Variants in UGT2B11 observed in about 807,000 individuals in gnomAD.
UGT2B11 encodes UDP-glucuronosyltransferase 2B11.
Under a neutral mutation model 51.7 loss-of-function variants are expected in UGT2B11, and 49 were observed. The observed-to-expected ratio is 0.95, with a 90% CI of 0.75 to 1.20. The LOEUF (loss-of-function observed/expected upper bound fraction) is 1.20, where lower values mean the gene tolerates loss of function less well. UGT2B11 is among the 50% of genes most tolerant of loss of function. UGT2B11 has a pLI of 0.00. For synonymous variants in UGT2B11, 273 were observed against 209.0 expected (o/e 1.31, Z -2.64); for missense variants, 810 against 622.1 (o/e 1.30, Z -3.21).
rs542785567 is a variant in UGT2B11, at chr4:69,206,046, C to G, written c.1003-479G>C. Reference sequence around the variant, plus strand: ...TGGTTGGAATGTAAGTTAGTTCAACCATTGTGGAAGACAGTGTGGCCATTC... The same window carrying G: ...TGGTTGGAATGTAAGTTAGTTCAACGATTGTGGAAGACAGTGTGGCCATTC... On this transcript the variant is annotated intron_variant, in intron 3 of 5. Coordinates refer to ENST00000446444, the MANE Select transcript of UGT2B11 (RefSeq NM_001073.3). 4.6e-5 allele frequency among the ~76,000 whole-genome samples: 7 copies of G among 151,624 alleles called. No homozygotes were observed. The East Asian group carries it at 1.4e-3, about 30-fold the overall frequency.
chr4:69,218,094 A>T (rs533034116), upstream of UGT2B11, among the ~76,000 whole-genome samples: 47 of 152,312 alleles, frequency 3.1e-4, no homozygotes, highest in Non-Finnish European at 5.7e-4. Context: ...ATTGAATTGA[A>T]TTATATCCTA....
Position 69,206,065 on chromosome 4 carries a change from G to A in UGT2B11, c.1003-498C>T, listed in dbSNP as rs562882737. 7.9e-5 allele frequency among the ~76,000 whole-genome samples: 12 copies of A among 151,626 alleles called. No homozygotes were observed. In the South Asian group the frequency reaches 2.3e-3, roughly 29 times the overall value. ...TTCAACCATTGTGGAAGACAGTGTG[G>A]CCATTCCTCAGAAACCTAGAGGCAA... On this transcript the variant is annotated intron_variant, in intron 3 of 5. Transcript: ENST00000446444.
upstream of UGT2B11, among the ~76,000 whole-genome samples, chr4:69,219,458 C>A (rs1202782687): frequency 9.3e-5 from 14 of 150,676 alleles, no homozygotes; most frequent in Non-Finnish European, 7.4e-5. Context: ...GTTATGTTCT[C>A]TTCTATTGAT....
chr4:69,223,815 A>C, the UGT2B11 span, among the ~76,000 whole-genome samples: 1 of 152,096 alleles, frequency 6.6e-6, no homozygotes, highest in East Asian at 1.9e-4. Context: ...GTCCCAACTG[A>C]CTATATTTTC....
rs1721933060 is a variant in UGT2B11 at position 69,208,332 on chromosome 4, G to C, written c.1002+19C>G. 1.9e-6 allele frequency: 3 copies of C among 1,609,670 alleles called. No individual in the cohort carries two copies. Among genetic ancestry groups the C allele is most frequent in the Admixed American group, 3.4e-5 (2 of 59,518 alleles). The stretch of plus-strand genomic sequence containing the variant: ...CCTCTTTCAGCAGTTTTCCACACCA[G>C]TAAGGCCCTTTATCTTACCTTTTGT... On this transcript the variant is annotated intron_variant, in intron 3 of 5. Transcript: ENST00000446444.
intron 5 of UGT2B11, among the ~76,000 whole-genome samples, chr4:69,202,451 A>G (rs1721694965): frequency 1.3e-5 from 2 of 151,732 alleles, no homozygotes. Context: ...TGGATCATAT[A>G]GTCTTCATGA....
In UGT2B11 at chr4:69,200,311, AATT is replaced by A. The variant is rs774135771; in HGVS notation, c.*126_*128del. On this transcript the variant is annotated 3_prime_UTR_variant, in exon 6 of 6. Coordinates refer to ENST00000446444, the MANE Select transcript of UGT2B11 (RefSeq NM_001073.3). The stretch of plus-strand genomic sequence containing the variant: ...TTTTACTTGACAAGGTAGATTTGAA[AATT>A]TTTTTTTTTTTTTTTTTTTTGTCAC... 3.9e-3 allele frequency: 3,851 copies of A among 994,862 alleles called. 1 individual carries two copies. Among genetic ancestry groups the A allele is most frequent in the Non-Finnish European group, 3.8e-3 (2,905 of 760,264 alleles). 61.6% of individuals were successfully genotyped at this position (994,862 alleles called of 1,614,324 possible).
chr4:69,205,482 A>G lies in UGT2B11; in HGVS notation c.1088T>C (p.Leu363Pro), dbSNP rs755891572. ...LYKWIPQNDL[L>P]GHPKTRAFIT... is the part of the protein sequence containing the mutation. ...GTATTTGTTCACCAGAGTGTTACCT[A>G]GAAGGTCATTCTGGGGTATCCACTT... Residue 363 changes from leucine (L) to proline (P), a missense_variant and splice_region_variant, in exon 4 of 6, where the codon CTA becomes CCA. Leu to Pro is a moderately conservative substitution (Grantham distance 98, BLOSUM62 -3). Coordinates refer to ENST00000446444, the MANE Select transcript of UGT2B11 (RefSeq NM_001073.3). 5 of 1,610,256 alleles carry G rather than the reference A, an allele frequency of 3.1e-6. No homozygotes were observed. In the South Asian group the frequency reaches 4.4e-5, roughly 14 times the overall value.
In UGT2B11 at chr4:69,204,582, A is replaced by G. The variant is rs766499563; in HGVS notation, c.1158T>C (p.His386=). 1.2e-5 allele frequency: 20 copies of G among 1,612,222 alleles called. No homozygotes were observed. Among genetic ancestry groups the G allele is most frequent in the South Asian group, 1.2e-4 (11 of 91,046 alleles). Residue 386 remains histidine (H), a synonymous_variant, in exon 5 of 6, where the codon CAT becomes CAC. Transcript: ENST00000446444. ...ATGGAATGCCCACCATAGGGATCCC[A>G]TGGTAGATTGCCTCATAGATGCCAT... The part of the protein sequence containing the change: ...GANGIYEAIY[H]GIPMVGIPLF...
At chr4:69,201,953 A>G (rs905746445) in intron 5 of UGT2B11, among the ~76,000 whole-genome samples, 3 of 151,826 alleles carry the variant, frequency 2.0e-5, no homozygotes, top group Admixed American at 1.3e-4. Flanking sequence ...CAACCTGCCT[A>G]CAATAATTCT....
At chr4:69,211,229 C>A (rs1722049841) in intron 2 of UGT2B11, 1 of 151,308 alleles carries the variant, frequency 6.6e-6, no homozygotes. Context: ...TCAAGTGAAC[C>A]CTGGGTTTGT....
Position 69,214,332 on chromosome 4 carries a change from C to A in UGT2B11, c.391G>T (p.Val131Phe), listed in dbSNP as rs574023758. 4 of 1,612,918 alleles carry A rather than the reference C, an allele frequency of 2.5e-6. No individual in the cohort carries two copies. The highest frequency in any genetic ancestry group is 1.7e-5 in the Admixed American group (1 of 59,830). Reference sequence around the variant, plus strand: ...TTTTTCATAACTTTCTTATTTGAAACTACATCTTTACAGAAGTTTCTAAAT... The same window carrying A: ...TTTTTCATAACTTTCTTATTTGAAAATACATCTTTACAGAAGTTTCTAAAT... ...DIFRNFCKDV[V>F]SNKKVMKKLQ... The change falls in exon 1 of 6, where the codon GTT (valine) becomes TTT (phenylalanine). Residue 131 changes from valine (V) to phenylalanine (F), a missense_variant. Val to Phe is a conservative substitution (Grantham distance 50). Transcript: ENST00000446444.
chr4:69,212,801 T>A, intron 1 of UGT2B11, 80 bp from the exon 2 acceptor site: 1 of 1,479,302 alleles, frequency 6.8e-7, no homozygotes. Context: ...GTTAGAACAA[T>A]GTAAGCAAAG....
intron 3 of UGT2B11, among the ~76,000 whole-genome samples, chr4:69,207,805 A>G (rs1259461544): frequency 2.0e-5 from 3 of 151,676 alleles, no homozygotes; most frequent in South Asian, 4.1e-4. Context: ...ACGGTAAGTA[A>G]TAGAGGTGGC....
intron 5 of UGT2B11, among the ~76,000 whole-genome samples, chr4:69,202,998 G>A (rs1721714327): frequency 6.6e-6 from 1 of 151,556 alleles, no homozygotes; most frequent in Non-Finnish European, 1.5e-5. Context: ...TATCTTTGGG[G>A]AGTGAACAAA....
At chr4:69,207,097 C>A (rs1487992479) in intron 3 of UGT2B11, among the ~76,000 whole-genome samples, 5 of 151,306 alleles carry the variant, frequency 3.3e-5, no homozygotes, top group African/African-American at 9.7e-5. Context: ...AATGAGGAAC[C>A]TTTTGGTATC....
intron 5 of UGT2B11, among the ~76,000 whole-genome samples, chr4:69,202,953 G>T (rs1399780686): frequency 6.6e-6 from 1 of 151,526 alleles, no homozygotes; most frequent in East Asian, 2.0e-4. Flanking sequence ...CTGAATTGAT[G>T]GTAGCTGGAC....
chr4:69,224,473 G>C, the UGT2B11 span, among the ~76,000 whole-genome samples: 1 of 152,106 alleles, frequency 6.6e-6, no homozygotes, highest in Non-Finnish European at 1.5e-5. Flanking sequence ...CAGAGAGCCT[G>C]ACACCGGTGT....
chr4:69,204,427 C>T lies in UGT2B11; in HGVS notation c.1310+3G>A. 1 of 1,611,596 alleles carries T rather than the reference C, an allele frequency of 6.2e-7. No homozygotes were observed. The highest frequency in any genetic ancestry group is 1.3e-5 in the African/African-American group (1 of 74,834). On this transcript the variant is annotated splice_donor_region_variant and intron_variant, in intron 5 of 5. Coordinates refer to ENST00000446444, the MANE Select transcript of UGT2B11 (RefSeq NM_001073.3). ...ACCTAGTGAAAAACATTGTTCTACT[C>T]ACAAAGGATCATTAATTACTGTCTT...
Sources: gnomAD v4.1 joint callset for allele counts (sites outside exome capture counted in the v4.1 genomes callset) on GRCh38, gnomAD v4.1.1 for gene constraint, MANE v1.5 for transcripts, NCBI Gene and HGNC (gene_info 2026-07-23, HGNC 2026-07-21) for gene names.